Variants in CNIH3 observed in about 807,000 individuals in gnomAD.
The protein encoded by CNIH3 is protein cornichon homolog 3.
CNIH3 carries 14 observed loss-of-function variants against 24.1 expected under a neutral mutation model. The ratio of observed to expected loss-of-function variants is 0.58; its 90% confidence interval spans 0.38 to 0.91. The LOEUF (loss-of-function observed/expected upper bound fraction) is 0.91, where lower values mean the gene tolerates loss of function less well. Ranked by LOEUF, CNIH3 falls within the 40% of genes least tolerant of loss-of-function variation. The pLI, the probability that CNIH3 is intolerant of heterozygous loss-of-function variation, is 0.00. For synonymous variants in CNIH3, 68 were observed against 73.8 expected, an observed-to-expected ratio of 0.92 and a Z score of 0.40; for missense variants, 178 against 196.8, an observed-to-expected ratio of 0.90 and a Z score of 0.57.
At chr1:224,625,780 G>A (rs1298559570) in intron 1 of CNIH3, among the ~76,000 whole-genome samples, 1 of 152,194 alleles carries the variant, frequency 6.6e-6, no homozygotes, top group Non-Finnish European at 1.5e-5. Flanking sequence ...ACAGGAAAGG[G>A]CTGTCAGATG....
chr1:224,653,422 CAA>C (rs60825350), intron 1 of CNIH3, among the ~76,000 whole-genome samples: 14 of 114,306 alleles, frequency 1.2e-4, no homozygotes, highest in Admixed American at 4.2e-4. Flanking sequence ...AACTCCACCT[CAA>C]AAAAAAAAAA....
At chr1:224,711,857 C>A (rs1688173532) in intron 3 of CNIH3, among the ~76,000 whole-genome samples, 1 of 151,146 alleles carries the variant, frequency 6.6e-6, no homozygotes, top group Admixed American at 6.6e-5. Context: ...AAGCCTCTTG[C>A]CAACTTTTGC....
In CNIH3 at chr1:224,572,236, C is replaced by T. The variant is rs77904809; in HGVS notation, n.516+5972C>T. 2.4e-3 allele frequency among the ~76,000 whole-genome samples: 361 copies of T among 152,266 alleles called. 9 individuals are homozygous for T. In the East Asian group the frequency reaches 0.048, roughly 20 times the overall value. On this transcript the variant is annotated intron_variant and non_coding_transcript_variant, in intron 4 of 5. Coordinates refer to the CNIH3 transcript ENST00000471578. ...AACATAGAATTATAAGAATTCACAG[C>T]CCAGTGTGGTGGCTCATGTCTGTAA...
At chr1:224,442,548 CT>C (rs563721182) in intron 1 of CNIH3, among the ~76,000 whole-genome samples, 4 of 152,050 alleles carry the variant, frequency 2.6e-5, no homozygotes, top group East Asian at 3.9e-4. Context: ...CATTCTTAGC[CT>C]TTTTTTTCCC....
chr1:224,677,506 A>C (rs1299544474), intron 1 of CNIH3, among the ~76,000 whole-genome samples: 1 of 152,070 alleles, frequency 6.6e-6, no homozygotes, highest in African/African-American at 2.4e-5. Context: ...TCATGGGTGC[A>C]CTGCCATCAC....
At chr1:224,454,820 T>C (rs1032735354) in intron 1 of CNIH3, among the ~76,000 whole-genome samples, 1 of 152,058 alleles carries the variant, frequency 6.6e-6, no homozygotes, top group African/African-American at 2.4e-5. Context: ...GTGGAAGGAT[T>C]AACTAGAGGG....
At chr1:224,695,710 A>G (rs1437510524) in intron 3 of CNIH3, among the ~76,000 whole-genome samples, 3 of 152,194 alleles carry the variant, frequency 2.0e-5, no homozygotes, top group African/African-American at 4.8e-5. Flanking sequence ...CTAGGGGCCA[A>G]TCTCTGCAGG....
At chr1:224,557,623 AT>A (rs1158170663) in intron 3 of CNIH3, among the ~76,000 whole-genome samples, 2 of 151,970 alleles carry the variant, frequency 1.3e-5, no homozygotes, top group African/African-American at 4.8e-5. Flanking sequence ...TGCCCAGCTA[AT>A]TTTTGTATTT....
chr1:224,506,490 C>T (rs938032467), intron 1 of CNIH3, among the ~76,000 whole-genome samples: 2 of 152,216 alleles, frequency 1.3e-5, no homozygotes, highest in African/African-American at 4.8e-5. Flanking sequence ...TGCTGGCAGT[C>T]CCCGCTGCTC....
rs191347295 is a variant in CNIH3 at position 224,531,313 on chromosome 1, A to G, written n.344-5623A>G. 1.8e-3 allele frequency among the ~76,000 whole-genome samples: 276 copies of G among 152,272 alleles called. 1 individual carries two copies. Among genetic ancestry groups the G allele is most frequent in the African/African-American group, 6.2e-3 (257 of 41,560 alleles). ...GGAACTCCATGGAGCCTGGAACTCT[A>G]TGGGGAAAACAGGGACTCAGTGAGT... is the stretch of plus-strand genomic sequence containing the variant. On this transcript the variant is annotated intron_variant and non_coding_transcript_variant, in intron 2 of 2. Coordinates refer to the CNIH3 transcript ENST00000470602.
At chr1:224,544,795 G>A (rs985335345) in intron 2 of CNIH3, among the ~76,000 whole-genome samples, 8 of 152,166 alleles carry the variant, frequency 5.3e-5, no homozygotes, top group Non-Finnish European at 7.3e-5. Flanking sequence ...TGTCACTATT[G>A]CTGTTGCTAT....
intron 1 of CNIH3, among the ~76,000 whole-genome samples, chr1:224,652,337 A>G (rs957636980): frequency 6.6e-6 from 1 of 152,132 alleles, no homozygotes; most frequent in Admixed American, 6.5e-5. Context: ...CTACATTCCA[A>G]ACAGGCTATG....
At chr1:224,506,273 G>GCA (rs1044492035) in intron 1 of CNIH3, among the ~76,000 whole-genome samples, 32 of 38,596 alleles carry the variant, frequency 8.3e-4, no homozygotes, top group South Asian at 6.0e-3. Flanking sequence ...ACGCACACGC[G>GCA]CGCGCGCGCG....
At chr1:224,525,889 G>A (rs905335680) in intron 2 of CNIH3, among the ~76,000 whole-genome samples, 3 of 152,114 alleles carry the variant, frequency 2.0e-5, no homozygotes, top group African/African-American at 7.2e-5. Flanking sequence ...ATGCTCTAAG[G>A]AGGCACTGGA....
At chr1:224,721,880 G>A (rs1294990646) in intron 3 of CNIH3, among the ~76,000 whole-genome samples, 2 of 152,166 alleles carry the variant, frequency 1.3e-5, no homozygotes, top group Non-Finnish European at 2.9e-5. Context: ...CTCCGTCCCA[G>A]GAATATGCCA....
intron 1 of CNIH3, among the ~76,000 whole-genome samples, chr1:224,475,448 T>C (rs1405226417): frequency 1.3e-5 from 2 of 151,956 alleles, no homozygotes; most frequent in Non-Finnish European, 2.9e-5. Flanking sequence ...GATTAGTGGC[T>C]ATGAGCAATT....
chr1:224,683,092 C>T (rs1162151602), intron 2 of CNIH3, among the ~76,000 whole-genome samples: 2 of 152,220 alleles, frequency 1.3e-5, no homozygotes, highest in Non-Finnish European at 2.9e-5. Flanking sequence ...ATAGAATTTG[C>T]ACATAGTAGG....
intron 5 of CNIH3, among the ~76,000 whole-genome samples, chr1:224,586,048 A>C (rs906903835): frequency 6.6e-6 from 1 of 152,250 alleles, no homozygotes; most frequent in Non-Finnish European, 1.5e-5. Flanking sequence ...GAAAAAGGAA[A>C]GACTTCCTTC....
intron 1 of CNIH3, among the ~76,000 whole-genome samples, chr1:224,627,415 G>A (rs541746904): frequency 1.3e-5 from 2 of 152,192 alleles, no homozygotes; most frequent in African/African-American, 2.4e-5. Flanking sequence ...TAGTAGAGAC[G>A]GGGTTTCACC....
Sources: allele counts gnomAD v4.1 joint callset (sites outside exome capture counted in the v4.1 genomes callset), GRCh38; gene constraint gnomAD v4.1.1; transcripts MANE v1.5; gene names NCBI Gene and HGNC (gene_info 2026-07-23, HGNC 2026-07-21).